The following PPP3CA variants were observed in gnomAD, a reference collection of about 807,000 sequenced individuals.
PPP3CA encodes the protein CAM-PRP catalytic subunit.
Under a neutral mutation model 66.5 loss-of-function variants are expected in PPP3CA, and 14 were observed. That is an observed-to-expected ratio of 0.21 (90% CI 0.14 to 0.33). The LOEUF is 0.33. Among genes scored for constraint, PPP3CA ranks in the 10% least tolerant of loss-of-function variants. The pLI is 1.00. For synonymous variants in PPP3CA, 232 were observed against 226.2 expected, an observed-to-expected ratio of 1.03 and a Z score of -0.23; for missense variants, 317 against 639.5, an observed-to-expected ratio of 0.50 and a Z score of 5.44.
chr4:101,226,017 T>C (rs1165817819), intron 1 of PPP3CA, among the ~76,000 whole-genome samples: 1 of 151,794 alleles, frequency 6.6e-6, no homozygotes, highest in Non-Finnish European at 1.5e-5. Flanking sequence ...ATGGTCATGA[T>C]AGTAATGCTG....
chr4:101,289,182 C>G (rs183760883), intron 1 of PPP3CA, among the ~76,000 whole-genome samples: 8 of 152,254 alleles, frequency 5.3e-5, no homozygotes, highest in Non-Finnish European at 8.8e-5. Context: ...AATAACTCTA[C>G]AGATAAAATT....
rs75024848 is a variant in PPP3CA at position 101,226,654 on chromosome 4, C to T, written c.59-30538G>A. Among the ~76,000 whole-genome samples, 136 of 151,784 alleles carry T rather than the reference C, an allele frequency of 9.0e-4. 3 individuals carry two copies. In the East Asian group the frequency reaches 0.021, roughly 24 times the overall value. On this transcript the variant is annotated intron_variant, in intron 1 of 13. Transcript: ENST00000394854. Reference sequence around the variant, plus strand: ...ATGGCTACTGGGAAGTCCTTGAAACCTGGCACATCCTTTACAAGTAACATT... The same window carrying T: ...ATGGCTACTGGGAAGTCCTTGAAACTTGGCACATCCTTTACAAGTAACATT...
rs1394015795 is a variant in PPP3CA at position 101,331,835 on chromosome 4, T to C, written c.58+14904A>G. 2.6e-5 allele frequency among the ~76,000 whole-genome samples: 4 copies of C among 152,296 alleles called. No homozygotes were observed. The East Asian group carries it at 7.7e-4, about 29-fold the overall frequency. On this transcript the variant is annotated intron_variant, in intron 1 of 13. Transcript: ENST00000394854. ...GTACAATGTAACATATGCTATATTA[T>C]AAATATTTTCAGAATTCATGTGATA...
chr4:101,306,967 C>T (rs1728554298), intron 1 of PPP3CA, among the ~76,000 whole-genome samples: 1 of 152,092 alleles, frequency 6.6e-6, no homozygotes, highest in Non-Finnish European at 1.5e-5. Context: ...AGAGCTGCTT[C>T]AGTAGTATTT....
Position 101,079,163 on chromosome 4 carries a change from G to A in PPP3CA, c.955+1369C>T, listed in dbSNP as rs539624239. On this transcript the variant is annotated intron_variant, in intron 8 of 13. Transcript: ENST00000394854. The stretch of plus-strand genomic sequence containing the variant: ...GACTAAGGACATTCAACAGGTGCTT[G>A]GGAATAAAGGTGGCCAAGGCCCATA... Among the ~76,000 whole-genome samples, 16 of 152,284 alleles carry A rather than the reference G, an allele frequency of 1.1e-4. No individual in the cohort carries two copies. The East Asian group carries it at 2.7e-3, about 26-fold the overall frequency.
intron 2 of PPP3CA, among the ~76,000 whole-genome samples, chr4:101,148,942 C>T (rs1723049629): frequency 6.6e-6 from 1 of 152,080 alleles, no homozygotes; most frequent in South Asian, 2.1e-4. Context: ...CAGTCTATCA[C>T]AGAAATTGTT....
intron 1 of PPP3CA, among the ~76,000 whole-genome samples, chr4:101,198,892 G>A (rs1022551856): frequency 6.6e-6 from 1 of 152,092 alleles, no homozygotes; most frequent in Admixed American, 6.6e-5. Context: ...AATAAACAGG[G>A]GGGACAAAGG....
intron 2 of PPP3CA, among the ~76,000 whole-genome samples, chr4:101,127,506 CA>C (rs1200402727): frequency 6.6e-6 from 1 of 151,608 alleles, no homozygotes; most frequent in Non-Finnish European, 1.5e-5. Context: ...TGTCACAAGC[CA>C]AAAAAAGGCC....
chr4:101,056,705 G>A (rs1288770366), intron 10 of PPP3CA, among the ~76,000 whole-genome samples: 1 of 151,954 alleles, frequency 6.6e-6, no homozygotes, highest in Non-Finnish European at 1.5e-5. Flanking sequence ...GCCTTTTCAG[G>A]CAACAAATAA....
chr4:101,259,557 G>A (rs1184246245), intron 1 of PPP3CA, among the ~76,000 whole-genome samples: 3 of 152,112 alleles, frequency 2.0e-5, no homozygotes, highest in Admixed American at 2.0e-4. Context: ...ATTTCTAAGT[G>A]CTAGCTTAAA....
chr4:101,221,536 T>G (rs563415965), intron 1 of PPP3CA, among the ~76,000 whole-genome samples: 1 of 151,476 alleles, frequency 6.6e-6, no homozygotes, highest in East Asian at 1.9e-4. Context: ...AATTCCCAAC[T>G]GGAATTCTGA....
chr4:101,189,753 C>A (rs1356882553), intron 2 of PPP3CA, among the ~76,000 whole-genome samples: 1 of 145,880 alleles, frequency 6.9e-6, no homozygotes, highest in Non-Finnish European at 1.5e-5. Flanking sequence ...AAAAACAACT[C>A]AGTTTATCCC....
chr4:101,031,518 A>C, intron 12 of PPP3CA, among the ~76,000 whole-genome samples: 1 of 152,138 alleles, frequency 6.6e-6, no homozygotes, highest in Admixed American at 6.5e-5. Flanking sequence ...GGCTTATTTT[A>C]ATTAAATTTA....
intron 10 of PPP3CA, 114 bp from the exon 11 acceptor site, chr4:101,040,680 T>TC (rs1164207476): frequency 1.7e-5 from 12 of 722,974 alleles, no homozygotes; most frequent in Non-Finnish European, 1.9e-5. Flanking sequence ...TTTTTTTTTT[T>TC]CCCCCTTAAG....
At chr4:101,245,883 T>G (rs3804407) in intron 1 of PPP3CA, among the ~76,000 whole-genome samples, 101,787 of 151,858 alleles carry the variant, frequency 0.67, 35,016 homozygotes, top group Middle Eastern at 0.76. Context: ...GAAATTATAT[T>G]ATCATTCATC....
At chr4:101,193,385 A>G (rs1341780290) in intron 2 of PPP3CA, among the ~76,000 whole-genome samples, 1 of 152,222 alleles carries the variant, frequency 6.6e-6, no homozygotes, top group Non-Finnish European at 1.5e-5. Flanking sequence ...GAGGAAAAAT[A>G]CTTTTCTTTA....
chr4:101,025,178 GT>G lies in PPP3CA; in HGVS notation c.*686del, dbSNP rs1726571829. On this transcript the variant is annotated 3_prime_UTR_variant, in exon 14 of 14. Coordinates refer to ENST00000394854, the MANE Select transcript of PPP3CA (RefSeq NM_000944.5). ...CATTGCCGAATTAAGAAGAAGATAA[GT>G]GTTATATGGAAAGAAGGGCATTCAA... The G allele has an allele frequency of 6.6e-6, 1 of 152,302 alleles. No homozygotes were observed. The highest frequency in any genetic ancestry group is 2.4e-5 in the African/African-American group (1 of 41,370). 9.4% of individuals were successfully genotyped at this position (152,302 alleles called of 1,614,324 possible).
At chr4:101,242,800 T>C (rs1375875040) in intron 1 of PPP3CA, among the ~76,000 whole-genome samples, 2 of 152,072 alleles carry the variant, frequency 1.3e-5, no homozygotes, top group Admixed American at 1.3e-4. Context: ...TGGTGGCATA[T>C]GCCTATAGCC....
intron 2 of PPP3CA, among the ~76,000 whole-genome samples, chr4:101,127,465 G>A (rs533872290): frequency 7.9e-5 from 12 of 152,202 alleles, no homozygotes; most frequent in Admixed American, 3.3e-4. Context: ...GAGAGGCCAT[G>A]TAAAGATGGA....
Sources: gnomAD v4.1 joint callset for allele counts (sites outside exome capture counted in the v4.1 genomes callset) on GRCh38, gnomAD v4.1.1 for gene constraint, MANE v1.5 for transcripts, NCBI Gene and HGNC (gene_info 2026-07-23, HGNC 2026-07-21) for gene names.